Variants in COLEC10 observed in about 807,000 individuals in gnomAD.
COLEC10 encodes collectin-10.
COLEC10 carries 22 observed loss-of-function variants against 28.4 expected under a neutral mutation model. The ratio of observed to expected loss-of-function variants is 0.78; its 90% CI spans 0.55 to 1.11. COLEC10 has a LOEUF of 1.11. COLEC10 is among the 50% of genes least tolerant of loss of function. The probability of loss-of-function intolerance (pLI) is 0.00; values close to 1 mark genes in which losing one functional copy is unlikely to be tolerated. For missense variants in COLEC10, 361 were observed against 344.1 expected (o/e 1.05, Z -0.39); for synonymous variants, 125 against 116.1 (o/e 1.08, Z -0.49).
intron 2 of COLEC10, among the ~76,000 whole-genome samples, chr8:119,024,151 G>T (rs963541076): frequency 6.6e-6 from 1 of 152,096 alleles, no homozygotes; most frequent in Non-Finnish European, 1.5e-5. Flanking sequence ...GGTAGGAGGT[G>T]GCAGTATGCT....
chr8:118,998,641 A>G (rs565590332), intron 1 of COLEC10, among the ~76,000 whole-genome samples: 1 of 150,870 alleles, frequency 6.6e-6, no homozygotes, highest in Non-Finnish European at 1.5e-5. Flanking sequence ...GATCAAGACC[A>G]TCCTGGCTAA....
chr8:119,018,630 G>T (rs1157589392), intron 2 of COLEC10, among the ~76,000 whole-genome samples: 1 of 152,144 alleles, frequency 6.6e-6, no homozygotes, highest in Non-Finnish European at 1.5e-5. Context: ...CTTGTGACTT[G>T]ATTTTTAGGT....
At chr8:119,104,020 T>A in intron 5 of COLEC10, 125 bp downstream of exon 5, 1 of 675,382 alleles carries the variant, frequency 1.5e-6, no homozygotes, top group Non-Finnish European at 2.5e-6. Context: ...GTCACCAGTT[T>A]AAGGGTCTCC....
intron 3 of COLEC10, among the ~76,000 whole-genome samples, chr8:119,101,653 A>G (rs1218500857): frequency 1.3e-5 from 2 of 152,178 alleles, no homozygotes; most frequent in Non-Finnish European, 2.9e-5. Flanking sequence ...CTTCACTTCT[A>G]AAAATTGTAA....
At chr8:118,990,189 G>A in the COLEC10 span, among the ~76,000 whole-genome samples, 2 of 151,970 alleles carry the variant, frequency 1.3e-5, no homozygotes, top group Non-Finnish European at 2.9e-5. Context: ...AAGATAGATT[G>A]TATGGTCACT....
chr8:119,072,556 C>A (rs955589798), intron 1 of COLEC10, among the ~76,000 whole-genome samples: 1 of 152,160 alleles, frequency 6.6e-6, no homozygotes, highest in African/African-American at 2.4e-5. Flanking sequence ...GAAATTAAAA[C>A]CCAGTTAAGT....
the COLEC10 span, among the ~76,000 whole-genome samples, chr8:118,968,672 G>A: frequency 2.1e-4 from 32 of 151,798 alleles, no homozygotes; most frequent in African/African-American, 7.2e-4. Context: ...TGTGCAGAAC[G>A]TGCAGGTTTG....
At chr8:119,052,952 GA>G (rs955246697) in intron 2 of COLEC10, among the ~76,000 whole-genome samples, 26 of 152,088 alleles carry the variant, frequency 1.7e-4, no homozygotes, top group African/African-American at 6.0e-4. Flanking sequence ...ACCAAGAAGA[GA>G]GGGGAAGGCA....
the COLEC10 span, among the ~76,000 whole-genome samples, chr8:118,963,212 A>ATGGTAGTTGT: frequency 5.9e-5 from 9 of 152,220 alleles, no homozygotes; most frequent in African/African-American, 2.2e-4. Context: ...CATTTATAGA[A>ATGGTAGTTGT]TATCCATTAA....
intron 2 of COLEC10, among the ~76,000 whole-genome samples, chr8:119,040,097 G>A (rs143724045): frequency 1.6e-3 from 248 of 152,154 alleles, no homozygotes; most frequent in African/African-American, 5.7e-3. Context: ...AGTGGACCCC[G>A]TAAAGAATCT....
chr8:119,031,553 TCTGA>T (rs1362678847), intron 2 of COLEC10, among the ~76,000 whole-genome samples: 1 of 152,200 alleles, frequency 6.6e-6, no homozygotes, highest in African/African-American at 2.4e-5. Flanking sequence ...GAATTGTGTT[TCTGA>T]CTTAAGTAAA....
At chr8:119,076,153 C>T (rs534590953) in intron 1 of COLEC10, among the ~76,000 whole-genome samples, 132 of 149,316 alleles carry the variant, frequency 8.8e-4, no homozygotes, top group African/African-American at 2.8e-3. Context: ...CCTCGTGATC[C>T]GCCTGCCTCG....
the COLEC10 span, among the ~76,000 whole-genome samples, chr8:118,959,025 T>A: frequency 1.3e-5 from 2 of 152,212 alleles, no homozygotes; most frequent in Non-Finnish European, 2.9e-5. Context: ...AAACAGTGAC[T>A]GATTCAGTAG....
chr8:119,091,319 G>T, intron 3 of COLEC10, 99 bp downstream of exon 3: 1 of 840,230 alleles, frequency 1.2e-6, no homozygotes, highest in Non-Finnish European at 1.9e-6. Context: ...AGACCGAGGT[G>T]GGAGGATACC....
At position 119,106,176 on chromosome 8, in the gene COLEC10, C is replaced by G. The variant is rs140080059; in HGVS notation, c.819C>G (p.Ile273Met). ...HLTMYFVCEFIKKKK is the reference protein window; with the variant it reads ...HLTMYFVCEFMKKKK The stretch of plus-strand genomic sequence containing the variant: ...CCATGTACTTTGTCTGTGAGTTCAT[C>G]AAGAAGAAAAAGTAACTTCCCTCAT... Residue 273 changes from isoleucine to methionine, a missense_variant, in exon 6 of 6, where the codon ATC (isoleucine) becomes ATG (methionine). Coordinates refer to ENST00000332843, the MANE Select transcript of COLEC10 (RefSeq NM_006438.5). The G allele has an allele frequency of 3.1e-6, 5 of 1,595,542 alleles. No homozygotes were observed. Among genetic ancestry groups the G allele is most frequent in the Non-Finnish European group, 4.3e-6 (5 of 1,166,734 alleles).
the COLEC10 span, among the ~76,000 whole-genome samples, chr8:118,959,677 C>A: frequency 1.3e-5 from 2 of 152,158 alleles, no homozygotes; most frequent in African/African-American, 2.4e-5. Flanking sequence ...AATGTTCATG[C>A]TACAGCTACT....
chr8:118,982,686 T>C, the COLEC10 span: 1 of 165,862 alleles, frequency 6.0e-6, no homozygotes, highest in Admixed American at 6.0e-5. Flanking sequence ...CTTTTCCTGG[T>C]GATTCATATT....
the COLEC10 span, among the ~76,000 whole-genome samples, chr8:118,959,867 G>A: frequency 1.3e-5 from 2 of 152,130 alleles, no homozygotes; most frequent in Admixed American, 6.5e-5. Flanking sequence ...ATCAAAGCTT[G>A]TTTTATACTT....
rs116984936 is a variant in COLEC10 at position 119,086,931 on chromosome 8, G to T, written c.149-2749G>T. Among the ~76,000 whole-genome samples, 1,374 of 152,300 alleles carry T rather than the reference G, an allele frequency of 9.0e-3. 5 individuals carry two copies. Among genetic ancestry groups the T allele is most frequent in the Non-Finnish European group, 0.015 (1,030 of 68,024 alleles). On this transcript the variant is annotated intron_variant, in intron 1 of 5. Coordinates refer to ENST00000332843, the MANE Select transcript of COLEC10 (RefSeq NM_006438.5). ...CAGAACATGGGCTAGGAGGACAAATGCCCCTGTTTGAATCCTGGCTTTACC... is the reference window on the plus strand; with the variant it reads ...CAGAACATGGGCTAGGAGGACAAATTCCCCTGTTTGAATCCTGGCTTTACC...
Sources: gnomAD v4.1 joint callset for allele counts (sites outside exome capture counted in the v4.1 genomes callset) on GRCh38, gnomAD v4.1.1 for gene constraint, MANE v1.5 for transcripts, NCBI Gene and HGNC (gene_info 2026-07-23, HGNC 2026-07-21) for gene names.